Variants in PALM2AKAP2 observed in about 807,000 individuals in gnomAD.
PALM2AKAP2 encodes PALM2-AKAP2 fusion protein.
A neutral mutation model predicts 71.5 loss-of-function variants in PALM2AKAP2; 37 were observed. The ratio of observed to expected loss-of-function variants is 0.52; its 90% confidence interval spans 0.40 to 0.68. The LOEUF (loss-of-function observed/expected upper bound fraction) is 0.68, where lower values mean the gene tolerates loss of function less well. PALM2AKAP2 is among the 30% of genes least tolerant of loss of function. The pLI is 0.00. For missense variants in PALM2AKAP2, 1,224 were observed against 1,191.8 expected (o/e 1.03, Z -0.40); for synonymous variants, 468 against 478.8 (o/e 0.98, Z 0.29).
chr9:110,163,195 G>T (rs1042966219), intron 3 of PALM2AKAP2, among the ~76,000 whole-genome samples: 10 of 151,706 alleles, frequency 6.6e-5, no homozygotes, highest in African/African-American at 2.4e-4. Context: ...GATTTTAAAA[G>T]AATTATTTCA....
At chr9:109,862,351 T>C (rs975966186) in intron 1 of PALM2AKAP2, among the ~76,000 whole-genome samples, 6 of 152,202 alleles carry the variant, frequency 3.9e-5, no homozygotes, top group Non-Finnish European at 7.3e-5. Flanking sequence ...ACTCAAACAA[T>C]GTAGTAGGAC....
intron 1 of PALM2AKAP2, among the ~76,000 whole-genome samples, chr9:110,091,136 C>T (rs904317796): frequency 6.6e-6 from 1 of 152,100 alleles, no homozygotes; most frequent in Non-Finnish European, 1.5e-5. Flanking sequence ...TTGTGTGCTT[C>T]TCTTAGAAGT....
chr9:110,092,535 A>C (rs1834737575), intron 1 of PALM2AKAP2, among the ~76,000 whole-genome samples: 1 of 152,178 alleles, frequency 6.6e-6, no homozygotes, highest in African/African-American at 2.4e-5. Flanking sequence ...GAAAAAAGTC[A>C]ATTTTTTGCA....
chr9:110,014,803 AATGTAT>A lies in PALM2AKAP2; in HGVS notation c.497-1148_497-1143del, dbSNP rs1832947404. ...TCAAAAAAAAAAAAAAAAAAAAAAAAATGTATATATATATATATATATATATATATA... is the reference window on the plus strand; with the variant it reads ...TCAAAAAAAAAAAAAAAAAAAAAAAAATATATATATATATATATATATATA... On this transcript the variant is annotated intron_variant, in intron 6 of 9. Coordinates refer to the PALM2AKAP2 transcript ENST00000302798. Among the ~76,000 whole-genome samples, 48 of 16,014 alleles carry A rather than the reference AATGTAT, an allele frequency of 3.0e-3. 2 individuals carry two copies. The highest frequency in any genetic ancestry group is 8.9e-3 in the Admixed American group (8 of 900). The allele number at this position is 16,014 out of a possible 152,430, so 10.5% of individuals were successfully genotyped here.
chr9:110,029,294 A>G (rs10980151), intron 7 of PALM2AKAP2, among the ~76,000 whole-genome samples: 10,718 of 152,236 alleles, frequency 0.07, 399 homozygotes, highest in Middle Eastern at 0.15. Flanking sequence ...TTGGGATATC[A>G]GTGTTAGCCT....
intron 1 of PALM2AKAP2, among the ~76,000 whole-genome samples, chr9:109,753,582 T>C (rs1461087072): frequency 6.6e-6 from 1 of 152,184 alleles, no homozygotes; most frequent in Non-Finnish European, 1.5e-5. Flanking sequence ...ACGTTGACAG[T>C]TTCTGACCTG....
intron 2 of PALM2AKAP2, among the ~76,000 whole-genome samples, chr9:109,868,404 C>CT (rs1237321461): frequency 7.2e-5 from 11 of 152,136 alleles, no homozygotes; most frequent in Non-Finnish European, 1.2e-4. Context: ...TGCTCCTGGG[C>CT]TTTTTGGCAG....
At chr9:109,996,711 C>T (rs1345687975) in intron 6 of PALM2AKAP2, among the ~76,000 whole-genome samples, 2 of 152,258 alleles carry the variant, frequency 1.3e-5, no homozygotes, top group Non-Finnish European at 2.9e-5. Context: ...GAGGTCCAAG[C>T]TTCTGAGTGT....
At chr9:109,794,153 G>A (rs140645979) in intron 1 of PALM2AKAP2, among the ~76,000 whole-genome samples, 199 of 152,298 alleles carry the variant, frequency 1.3e-3, no homozygotes, top group African/African-American at 4.5e-3. Flanking sequence ...GGCTTACCAT[G>A]ATGAGAGGTT....
At chr9:109,846,971 C>G (rs1252930429) in intron 1 of PALM2AKAP2, among the ~76,000 whole-genome samples, 1 of 152,186 alleles carries the variant, frequency 6.6e-6, no homozygotes, top group Non-Finnish European at 1.5e-5. Flanking sequence ...GATTGATGAC[C>G]TAACCAGGCA....
intron 3 of PALM2AKAP2, among the ~76,000 whole-genome samples, chr9:110,164,907 G>A (rs945583183): frequency 7.2e-5 from 11 of 151,918 alleles, no homozygotes; most frequent in Admixed American, 6.6e-4. Flanking sequence ...GCTCTTCTCT[G>A]GTGTGTCTCC....
At chr9:109,999,416 A>C (rs2132269312) in intron 6 of PALM2AKAP2, among the ~76,000 whole-genome samples, 1 of 152,230 alleles carries the variant, frequency 6.6e-6, no homozygotes, top group East Asian at 1.9e-4. Context: ...TCAGGGTCTC[A>C]CCACCCAGAC....
intron 1 of PALM2AKAP2, among the ~76,000 whole-genome samples, chr9:109,756,459 T>C (rs1211708576): frequency 6.6e-6 from 1 of 152,230 alleles, no homozygotes; most frequent in African/African-American, 2.4e-5. Context: ...TTTTGTTGTT[T>C]GCCTTTTGAT....
At chr9:110,144,241 C>T (rs1836106139) in intron 2 of PALM2AKAP2, among the ~76,000 whole-genome samples, 1 of 152,240 alleles carries the variant, frequency 6.6e-6, no homozygotes, top group Admixed American at 6.5e-5. Flanking sequence ...CAGTAGTACA[C>T]AGTGCCTCTC....
upstream of PALM2AKAP2, chr9:110,048,552 A>G: frequency 5.8e-6 from 4 of 686,516 alleles, no homozygotes; most frequent in Admixed American, 7.3e-5. Context: ...AGGTGTGGGT[A>G]GATGGGGAGG....
intron 6 of PALM2AKAP2, among the ~76,000 whole-genome samples, chr9:109,986,282 G>T (rs1394975179): frequency 6.6e-6 from 1 of 152,156 alleles, no homozygotes; most frequent in East Asian, 1.9e-4. Flanking sequence ...AGTTCACAAT[G>T]AACCTTCCAA....
chr9:109,758,442 G>A (rs1215719476), intron 1 of PALM2AKAP2, among the ~76,000 whole-genome samples: 5 of 151,948 alleles, frequency 3.3e-5, no homozygotes, highest in South Asian at 2.1e-4. Flanking sequence ...AGGTTGTTCC[G>A]TTATTAGCTG....
exon 4 of PALM2AKAP2, chr9:110,169,417 T>G (rs1419033490): frequency 6.6e-6 from 1 of 151,712 alleles, no homozygotes; most frequent in East Asian, 1.9e-4. Flanking sequence ...CGGCAATAAT[T>G]GAAAAAAAAG....
chr9:110,038,511 G>T (rs796756566), intron 7 of PALM2AKAP2, among the ~76,000 whole-genome samples: 2 of 152,176 alleles, frequency 1.3e-5, no homozygotes, highest in African/African-American at 4.8e-5. Context: ...AATGACCACT[G>T]GGTTTGGCAA....
Sources: gnomAD v4.1 joint callset for allele counts (sites outside exome capture counted in the v4.1 genomes callset) on GRCh38, gnomAD v4.1.1 for gene constraint, MANE v1.5 for transcripts, NCBI Gene and HGNC (gene_info 2026-07-23, HGNC 2026-07-21) for gene names.